Variants in SMIM14 observed in about 807,000 individuals in gnomAD.
The protein encoded by SMIM14 is chromosome 4 open reading frame 34.
Under a neutral mutation model 12.6 loss-of-function variants are expected in SMIM14, and 5 were observed. The ratio of observed to expected loss-of-function variants is 0.40; its 90% CI spans 0.21 to 0.83. The LOEUF is 0.83. Ranked by LOEUF, SMIM14 falls within the 40% of genes least tolerant of loss-of-function variation. The pLI is 0.37. For missense variants in SMIM14, 86 were observed against 119.1 expected, an observed-to-expected ratio of 0.72 and a Z score of 1.29; for synonymous variants, 30 against 40.1, an observed-to-expected ratio of 0.75 and a Z score of 0.95.
chr4:39,582,347 G>A (rs1272578752), intron 2 of SMIM14, among the ~76,000 whole-genome samples: 1 of 152,118 alleles, frequency 6.6e-6, no homozygotes, highest in African/African-American at 2.4e-5. Flanking sequence ...GAAAAAAGGG[G>A]AAGAAGTGGA....
At chr4:39,638,636 C>G in intron 1 of SMIM14, 103 bp downstream of exon 1, 4 of 973,202 alleles carry the variant, frequency 4.1e-6, no homozygotes, top group Non-Finnish European at 3.7e-6. Flanking sequence ...CCTGTTCTGC[C>G]GCAGCCGCCG....
chr4:39,620,508 T>A (rs76167790), intron 1 of SMIM14, among the ~76,000 whole-genome samples: 1 of 151,758 alleles, frequency 6.6e-6, no homozygotes, highest in African/African-American at 2.4e-5. Flanking sequence ...ATAAAAATAA[T>A]TTTTTTTGTA....
intron 2 of SMIM14, among the ~76,000 whole-genome samples, chr4:39,597,536 G>C (rs1435826465): frequency 6.8e-6 from 1 of 148,146 alleles, no homozygotes; most frequent in African/African-American, 2.5e-5. Flanking sequence ...CTCTGCCTCC[G>C]GGGTTCAAGT....
At chr4:39,581,935 G>A (rs1296679567) in intron 2 of SMIM14, among the ~76,000 whole-genome samples, 1 of 149,186 alleles carries the variant, frequency 6.7e-6, no homozygotes, top group Non-Finnish European at 1.5e-5. Context: ...GCAATGGCAC[G>A]ATCTCTGCTC....
intron 1 of SMIM14, among the ~76,000 whole-genome samples, chr4:39,630,323 T>G (rs1715853207): frequency 6.6e-6 from 1 of 152,130 alleles, no homozygotes; most frequent in African/African-American, 2.4e-5. Context: ...GGAGGATAAC[T>G]TGAGCCCAGG....
intron 2 of SMIM14, chr4:39,594,569 A>C (rs1258118844): frequency 6.7e-6 from 1 of 148,514 alleles, no homozygotes; most frequent in Non-Finnish European, 1.5e-5. Flanking sequence ...TAATTAAACT[A>C]AAGAGCTTCT....
At chr4:39,610,572 G>A (rs1714988338) in intron 1 of SMIM14, among the ~76,000 whole-genome samples, 2 of 151,606 alleles carry the variant, frequency 1.3e-5, no homozygotes. Flanking sequence ...GCGTGTACCT[G>A]TAGTTCTAAC....
intron 2 of SMIM14, among the ~76,000 whole-genome samples, chr4:39,580,711 G>C (rs1022295399): frequency 6.6e-6 from 1 of 151,910 alleles, no homozygotes; most frequent in Non-Finnish European, 1.5e-5. Flanking sequence ...ATTTTCAGTA[G>C]AGACGGGGTT....
chr4:39,620,323 C>G (rs1715436248), intron 1 of SMIM14, among the ~76,000 whole-genome samples: 1 of 151,568 alleles, frequency 6.6e-6, no homozygotes, highest in Admixed American at 6.6e-5. Flanking sequence ...ACTAAAAATA[C>G]AAAAAATTAG....
intron 3 of SMIM14, among the ~76,000 whole-genome samples, chr4:39,564,912 G>A (rs1305076891): frequency 2.0e-5 from 3 of 152,110 alleles, no homozygotes; most frequent in Non-Finnish European, 2.9e-5. Context: ...AGTGAGGTGG[G>A]ATATAAGAAA....
At chr4:39,633,449 T>C (rs906082681) in intron 1 of SMIM14, among the ~76,000 whole-genome samples, 4 of 152,080 alleles carry the variant, frequency 2.6e-5, no homozygotes, top group Non-Finnish European at 4.4e-5. Context: ...ATGCCCAATA[T>C]TAAAGGAAAA....
At chr4:39,604,365 A>C (rs971458779) in intron 2 of SMIM14, among the ~76,000 whole-genome samples, 1 of 151,718 alleles carries the variant, frequency 6.6e-6, no homozygotes, top group East Asian at 2.0e-4. Context: ...GGTGAAACCC[A>C]GTCTCTACTA....
intron 2 of SMIM14, among the ~76,000 whole-genome samples, chr4:39,581,267 T>C (rs1713477194): frequency 6.6e-6 from 1 of 152,266 alleles, no homozygotes; most frequent in Middle Eastern, 3.4e-3. Flanking sequence ...ATTCTCCCTC[T>C]AAAATTCAAA....
intron 1 of SMIM14, among the ~76,000 whole-genome samples, chr4:39,623,132 G>A (rs1232650105): frequency 1.3e-5 from 2 of 152,058 alleles, no homozygotes; most frequent in East Asian, 3.9e-4. Flanking sequence ...TTATCTCTTA[G>A]GAATCTCACT....
intron 3 of SMIM14, among the ~76,000 whole-genome samples, chr4:39,566,716 C>T (rs959054033): frequency 6.6e-6 from 1 of 152,136 alleles, no homozygotes; most frequent in African/African-American, 2.4e-5. Flanking sequence ...CGCCTATAAT[C>T]CCAGCACTTT....
intron 2 of SMIM14, among the ~76,000 whole-genome samples, chr4:39,578,201 G>A (rs185731346): frequency 8.5e-5 from 13 of 152,272 alleles, no homozygotes; most frequent in African/African-American, 2.6e-4. Flanking sequence ...AGGCTGAAGT[G>A]CAGCAGCACA....
chr4:39,564,824 A>G (rs1712493470), intron 3 of SMIM14, among the ~76,000 whole-genome samples: 1 of 152,334 alleles, frequency 6.6e-6, no homozygotes, highest in South Asian at 2.1e-4. Context: ...GAACAGCGAG[A>G]ACTCCTGATT....
chr4:39,552,075 T>C lies in SMIM14; in HGVS notation c.*51A>G. On this transcript the variant is annotated 3_prime_UTR_variant, in exon 5 of 5. Coordinates refer to ENST00000295958, the MANE Select transcript of SMIM14 (RefSeq NM_174921.3). ...GTTAAGAGTACTCTGGTCATCTTCG[T>C]TCGTTTGGTCGTGCAAGGTGTTAAC... 1.3e-6 allele frequency: 2 copies of C among 1,500,486 alleles called. No individual in the cohort carries two copies. Among genetic ancestry groups the C allele is most frequent in the Non-Finnish European group, 1.8e-6 (2 of 1,104,600 alleles). 92.9% of individuals were successfully genotyped at this position (1,500,486 alleles called of 1,614,324 possible). A position where few individuals can be genotyped will look rare whatever the true frequency, so the allele number is the denominator to read the frequency against.
intron 2 of SMIM14, among the ~76,000 whole-genome samples, chr4:39,591,224 A>G (rs1425747631): frequency 6.6e-6 from 1 of 151,980 alleles, no homozygotes; most frequent in Non-Finnish European, 1.5e-5. Flanking sequence ...AATATTTTTG[A>G]TTTACAGTTG....
Sources: allele counts gnomAD v4.1 joint callset (sites outside exome capture counted in the v4.1 genomes callset), GRCh38; gene constraint gnomAD v4.1.1; transcripts MANE v1.5; gene names NCBI Gene and HGNC (gene_info 2026-07-23, HGNC 2026-07-21).